The following PTPRM variants were observed in gnomAD, a reference collection of about 807,000 sequenced individuals.
The protein encoded by PTPRM is receptor-type tyrosine-protein phosphatase mu.
Under a neutral mutation model 186.7 loss-of-function variants are expected in PTPRM, and 47 were observed. That is an observed-to-expected ratio of 0.25 (90% CI 0.20 to 0.32). The LOEUF is 0.32. PTPRM is among the 10% of genes least tolerant of loss of function. The pLI, the probability that PTPRM is intolerant of heterozygous loss-of-function variation, is 1.00. For synonymous variants in PTPRM, 668 were observed against 674.9 expected (o/e 0.99, Z 0.16); for missense variants, 1,494 against 1,865.0 (o/e 0.80, Z 3.66).
chr18:7,940,404 A>C (rs2052092838), intron 5 of PTPRM, among the ~76,000 whole-genome samples: 1 of 152,204 alleles, frequency 6.6e-6, no homozygotes, highest in Non-Finnish European at 1.5e-5. Flanking sequence ...AGGAACAGCT[A>C]GGTGGTGCCA....
intron 1 of PTPRM, among the ~76,000 whole-genome samples, chr18:7,598,096 C>A (rs2037311744): frequency 6.6e-6 from 1 of 152,006 alleles, no homozygotes; most frequent in Non-Finnish European, 1.5e-5. Flanking sequence ...TGAATGAAAC[C>A]AAGGCCAATT....
rs576167238 is a variant in PTPRM, at chr18:8,208,161, G to A, written c.2301-35897G>A. The stretch of plus-strand genomic sequence containing the variant: ...ACTCCTGCAGGCCTTGGCCTGATGC[G>A]TGCTCTCCTGTGCAGCCACGCCACT... On this transcript the variant is annotated intron_variant, in intron 14 of 32. Coordinates refer to ENST00000580170, the MANE Select transcript of PTPRM (RefSeq NM_001105244.2). 5.3e-5 allele frequency among the ~76,000 whole-genome samples: 8 copies of A among 152,278 alleles called. No individual in the cohort carries two copies. The South Asian group carries it at 1.0e-3, about 20-fold the overall frequency.
chr18:7,914,449 T>G (rs1295257419), intron 4 of PTPRM, among the ~76,000 whole-genome samples: 4 of 152,148 alleles, frequency 2.6e-5, no homozygotes, highest in Non-Finnish European at 5.9e-5. Flanking sequence ...ATTTTCTGCT[T>G]CTATCACAGG....
chr18:7,695,932 G>A (rs1364644697), intron 1 of PTPRM, among the ~76,000 whole-genome samples: 11 of 152,224 alleles, frequency 7.2e-5, no homozygotes, highest in East Asian at 1.9e-4. Context: ...TTATTCTTTC[G>A]AAAGTTCGTT....
chr18:7,681,979 G>A (rs1197429526), intron 1 of PTPRM, among the ~76,000 whole-genome samples: 1 of 152,152 alleles, frequency 6.6e-6, no homozygotes, highest in Non-Finnish European at 1.5e-5. Context: ...AACTAAGTCT[G>A]GCACATAGGA....
chr18:7,638,953 A>G (rs563951843), intron 1 of PTPRM, among the ~76,000 whole-genome samples: 1 of 152,342 alleles, frequency 6.6e-6, no homozygotes, highest in South Asian at 2.1e-4. Context: ...ACAGTGGAAA[A>G]GTTGATCATC....
chr18:8,159,696 A>G (rs1348905748), intron 14 of PTPRM, among the ~76,000 whole-genome samples: 1 of 152,162 alleles, frequency 6.6e-6, no homozygotes, highest in East Asian at 1.9e-4. Flanking sequence ...TGGGTACCAT[A>G]TGTCTTTTCT....
intron 5 of PTPRM, among the ~76,000 whole-genome samples, chr18:7,948,092 A>C (rs1276195136): frequency 1.3e-5 from 2 of 151,632 alleles, no homozygotes; most frequent in Non-Finnish European, 2.9e-5. Context: ...ATACTTATAA[A>C]TAACATGTTA....
intron 2 of PTPRM, among the ~76,000 whole-genome samples, chr18:7,804,949 C>G (rs1184230352): frequency 6.6e-6 from 1 of 152,154 alleles, no homozygotes; most frequent in Non-Finnish European, 1.5e-5. Flanking sequence ...TCATTTGTGC[C>G]TTAATGTTTG....
At chr18:7,672,861 G>A (rs184443027) in intron 1 of PTPRM, among the ~76,000 whole-genome samples, 3 of 152,322 alleles carry the variant, frequency 2.0e-5, no homozygotes, top group Non-Finnish European at 1.5e-5. Flanking sequence ...AGTGAGTGGA[G>A]GCCCCTGATG....
At chr18:7,829,284 A>G (rs935972309) in intron 2 of PTPRM, among the ~76,000 whole-genome samples, 10 of 152,238 alleles carry the variant, frequency 6.6e-5, no homozygotes, top group African/African-American at 2.2e-4. Flanking sequence ...ATCTATGTAC[A>G]TAATAATTAC....
chr18:8,245,091 G>A lies in PTPRM; in HGVS notation c.2452+882G>A, dbSNP rs545898561. On this transcript the variant is annotated intron_variant, in intron 15 of 32. Coordinates refer to ENST00000580170, the MANE Select transcript of PTPRM (RefSeq NM_001105244.2). ...GAGGAGCACAGAAATGGCATCTGGC[G>A]TGGGGCGACTGGGAGCAGTTTGGAC... Among the ~76,000 whole-genome samples the A allele has an allele frequency of 1.3e-4, 20 of 152,336 alleles. No homozygotes were observed. In the East Asian group the frequency reaches 1.3e-3, roughly 10 times the overall value.
intron 2 of PTPRM, among the ~76,000 whole-genome samples, chr18:7,818,260 A>G (rs1266612398): frequency 2.0e-5 from 3 of 152,214 alleles, no homozygotes; most frequent in African/African-American, 7.2e-5. Context: ...AGAAACTAGT[A>G]TTAATTTCTT....
At chr18:8,316,625 C>T (rs2148044444) in intron 21 of PTPRM, among the ~76,000 whole-genome samples, 1 of 152,108 alleles carries the variant, frequency 6.6e-6, no homozygotes, top group Non-Finnish European at 1.5e-5. Context: ...CCGTTCAAAC[C>T]AAAACCAAAA....
chr18:7,767,938 T>G (rs2042089138), intron 1 of PTPRM, among the ~76,000 whole-genome samples: 1 of 152,220 alleles, frequency 6.6e-6, no homozygotes, highest in African/African-American at 2.4e-5. Flanking sequence ...ATGTTTATTA[T>G]GCTTCTTTTG....
chr18:8,340,016 T>C (rs2095465169), intron 22 of PTPRM, among the ~76,000 whole-genome samples: 1 of 151,560 alleles, frequency 6.6e-6, no homozygotes, highest in South Asian at 2.1e-4. Flanking sequence ...AGGATTTGAA[T>C]GAACATTTGG....
At chr18:8,281,516 G>A (rs1057112094) in intron 19 of PTPRM, among the ~76,000 whole-genome samples, 2 of 152,172 alleles carry the variant, frequency 1.3e-5, no homozygotes, top group African/African-American at 4.8e-5. Flanking sequence ...CTAAGTGGCT[G>A]TGATGACGGA....
intron 1 of PTPRM, among the ~76,000 whole-genome samples, chr18:7,732,736 C>T (rs2040687602): frequency 1.3e-5 from 2 of 152,084 alleles, no homozygotes; most frequent in Non-Finnish European, 2.9e-5. Context: ...AACTCCTGGT[C>T]TCAAGTGGTC....
rs187791090 is a variant in PTPRM at position 8,258,493 on chromosome 18, T to C, written c.2754+5079T>C. Among the ~76,000 whole-genome samples the C allele has an allele frequency of 8.4e-3, 1,284 of 152,242 alleles. 9 individuals carry two copies. Among genetic ancestry groups the C allele is most frequent in the Non-Finnish European group, 0.014 (952 of 68,030 alleles). ...TACCACGTCAGGTCCAACGTTGTGGTGATCCTGTGCGAGTGGAGAGTGAGT... is the reference window on the plus strand; with the variant it reads ...TACCACGTCAGGTCCAACGTTGTGGCGATCCTGTGCGAGTGGAGAGTGAGT... On this transcript the variant is annotated intron_variant, in intron 19 of 32. Transcript: ENST00000580170.
Sources: gnomAD v4.1 joint callset for allele counts (sites outside exome capture counted in the v4.1 genomes callset) on GRCh38, gnomAD v4.1.1 for gene constraint, MANE v1.5 for transcripts, NCBI Gene and HGNC (gene_info 2026-07-23, HGNC 2026-07-21) for gene names.